SNTB1: variants seen among roughly 807,000 people sequenced by gnomAD.
The protein encoded by SNTB1 is beta-1-syntrophin.
Under a neutral mutation model 48.9 loss-of-function variants are expected in SNTB1, and 36 were observed. The ratio of observed to expected loss-of-function variants is 0.74; its 90% CI spans 0.56 to 0.97. SNTB1 has a LOEUF of 0.97. SNTB1 is among the 50% of genes least tolerant of loss of function. The probability of loss-of-function intolerance (pLI) is 0.00; values close to 1 mark genes in which losing one functional copy is unlikely to be tolerated. For missense variants in SNTB1, 786 were observed against 703.4 expected (o/e 1.12, Z -1.33); for synonymous variants, 299 against 294.6 (o/e 1.01, Z -0.15).
intron 1 of SNTB1, among the ~76,000 whole-genome samples, chr8:120,773,342 A>G (rs1563597472): frequency 6.6e-6 from 1 of 152,176 alleles, no homozygotes; most frequent in Non-Finnish European, 1.5e-5. Context: ...ACACAGTGAG[A>G]CCCCATCTCT....
intron 3 of SNTB1, among the ~76,000 whole-genome samples, chr8:120,628,381 G>A (rs755898807): frequency 7.9e-5 from 12 of 152,208 alleles, no homozygotes; most frequent in Non-Finnish European, 1.8e-4. Flanking sequence ...AAATGTGTTT[G>A]GGGCATGACA....
chr8:120,582,436 G>A (rs1054979673), intron 3 of SNTB1, among the ~76,000 whole-genome samples: 6 of 152,050 alleles, frequency 3.9e-5, no homozygotes. Context: ...AAAGACCAGT[G>A]CAGAAATCAA....
intron 2 of SNTB1, among the ~76,000 whole-genome samples, chr8:120,646,341 C>A (rs1324794587): frequency 7.2e-6 from 1 of 139,338 alleles, no homozygotes. Context: ...TACGTCCCAT[C>A]AATACCTAAT....
intron 3 of SNTB1, among the ~76,000 whole-genome samples, chr8:120,622,194 G>T (rs1368054135): frequency 6.6e-6 from 1 of 152,128 alleles, no homozygotes; most frequent in East Asian, 1.9e-4. Flanking sequence ...ACGTAATTCT[G>T]AGAGTCCTGC....
intron 1 of SNTB1, among the ~76,000 whole-genome samples, chr8:120,707,903 AC>A (rs1330401625): frequency 1.3e-5 from 2 of 152,136 alleles, no homozygotes; most frequent in Non-Finnish European, 2.9e-5. Flanking sequence ...GGAAAAGGGG[AC>A]TAAATTAATA....
chr8:120,786,479 G>A (rs1291806251), intron 1 of SNTB1, among the ~76,000 whole-genome samples: 2 of 152,138 alleles, frequency 1.3e-5, no homozygotes, highest in African/African-American at 4.8e-5. Flanking sequence ...GACACAGCTG[G>A]GGCTTTTACC....
At chr8:120,638,321 A>C (rs1320267839) in intron 2 of SNTB1, 1 of 152,214 alleles carries the variant, frequency 6.6e-6, no homozygotes, top group Non-Finnish European at 1.5e-5. Context: ...TATCCGTCTC[A>C]GTGCCTCTCT....
intron 2 of SNTB1, among the ~76,000 whole-genome samples, chr8:120,663,821 T>C (rs1587072337): frequency 6.6e-6 from 1 of 152,020 alleles, no homozygotes; most frequent in Admixed American, 6.6e-5. Flanking sequence ...GCAGCTATAA[T>C]GGGGGTGCAG....
intron 1 of SNTB1, among the ~76,000 whole-genome samples, chr8:120,726,412 A>G (rs1277250180): frequency 6.6e-6 from 1 of 152,140 alleles, no homozygotes; most frequent in Non-Finnish European, 1.5e-5. Flanking sequence ...TATTTTCTTG[A>G]CAAACTCAAC....
intron 4 of SNTB1, among the ~76,000 whole-genome samples, chr8:120,573,693 C>T (rs1815894849): frequency 6.6e-6 from 1 of 152,080 alleles, no homozygotes; most frequent in South Asian, 2.1e-4. Flanking sequence ...GTCTTTTATC[C>T]ATTTTGAGTT....
chr8:120,565,608 A>G (rs1201956202), intron 4 of SNTB1, among the ~76,000 whole-genome samples: 4 of 152,250 alleles, frequency 2.6e-5, no homozygotes, highest in African/African-American at 9.6e-5. Context: ...GGGCAGCAGC[A>G]CATCACATTT....
Position 120,749,164 on chromosome 8 carries a change from C to T in SNTB1, c.572-55256G>A, listed in dbSNP as rs117536541. Among the ~76,000 whole-genome samples the T allele has an allele frequency of 1.9e-3, 296 of 152,296 alleles. 8 individuals are homozygous for T. In the East Asian group the frequency reaches 0.051, roughly 26 times the overall value. ...GAAAGCCTGGAAAAGAACGAGAAGA[C>T]GTCCTTCAACAGATTAGTTAGGAGG... On this transcript the variant is annotated intron_variant, in intron 1 of 6. Coordinates refer to ENST00000517992, the MANE Select transcript of SNTB1 (RefSeq NM_021021.4).
chr8:120,557,247 T>G (rs922895428), intron 4 of SNTB1, among the ~76,000 whole-genome samples: 1 of 152,310 alleles, frequency 6.6e-6, no homozygotes, highest in African/African-American at 2.4e-5. Context: ...AAGCATGGGT[T>G]AGATATTGAC....
chr8:120,794,599 C>T (rs561493455), intron 1 of SNTB1, among the ~76,000 whole-genome samples: 2 of 152,016 alleles, frequency 1.3e-5, no homozygotes, highest in South Asian at 4.2e-4. Flanking sequence ...TTTACAACAG[C>T]ATCAAGAGAC....
chr8:120,664,762 T>C (rs1024302427), intron 2 of SNTB1, among the ~76,000 whole-genome samples: 11 of 152,254 alleles, frequency 7.2e-5, no homozygotes, highest in Non-Finnish European at 1.6e-4. Flanking sequence ...TATAGACACA[T>C]AATTTCATTT....
At chr8:120,805,644 C>T (rs930058559) in intron 1 of SNTB1, among the ~76,000 whole-genome samples, 12 of 152,144 alleles carry the variant, frequency 7.9e-5, no homozygotes, top group African/African-American at 2.9e-4. Flanking sequence ...TGTCAGACTT[C>T]GGACTTTAAA....
intron 3 of SNTB1, among the ~76,000 whole-genome samples, chr8:120,615,629 C>T (rs1474038095): frequency 6.6e-6 from 1 of 152,184 alleles, no homozygotes; most frequent in Non-Finnish European, 1.5e-5. Context: ...TTTCCAGGAA[C>T]CAAATACCAT....
intron 1 of SNTB1, among the ~76,000 whole-genome samples, chr8:120,782,604 AC>A (rs1210935581): frequency 8.6e-5 from 13 of 150,504 alleles, no homozygotes; most frequent in Admixed American, 3.3e-4. Context: ...ATACATACCT[AC>A]ACACACACAC....
In SNTB1 at chr8:120,792,030, A is replaced by G. The variant is rs1041936503; in HGVS notation, c.571+19243T>C. 3.9e-5 allele frequency among the ~76,000 whole-genome samples: 6 copies of G among 151,992 alleles called. No homozygotes were observed. In the East Asian group the frequency reaches 1.2e-3, roughly 29 times the overall value. Reference sequence around the variant, plus strand: ...TACAGCATGATTCACAATTGTAAAGATATGGAAATGACTGAAATGCTCATC... The same window carrying G: ...TACAGCATGATTCACAATTGTAAAGGTATGGAAATGACTGAAATGCTCATC... On this transcript the variant is annotated intron_variant, in intron 1 of 6. Transcript: ENST00000517992.
Sources: allele counts gnomAD v4.1 joint callset (sites outside exome capture counted in the v4.1 genomes callset), GRCh38; gene constraint gnomAD v4.1.1; transcripts MANE v1.5; gene names NCBI Gene and HGNC (gene_info 2026-07-23, HGNC 2026-07-21).